The following BABAM2 variants were observed in gnomAD, a reference collection of about 807,000 sequenced individuals.
The protein encoded by BABAM2 is BRISC and BRCA1-A complex member 2.
Under a neutral mutation model 54.7 loss-of-function variants are expected in BABAM2, and 31 were observed. The observed-to-expected ratio is 0.57, with a 90% CI of 0.43 to 0.77. The LOEUF (loss-of-function observed/expected upper bound fraction) is 0.77. BABAM2 is among the 30% of genes least tolerant of loss of function. The pLI is 0.00. For missense variants in BABAM2, 364 were observed against 455.8 expected, an observed-to-expected ratio of 0.80 and a Z score of 1.83; for synonymous variants, 167 against 162.9, an observed-to-expected ratio of 1.03 and a Z score of -0.19.
intron 10 of BABAM2, among the ~76,000 whole-genome samples, chr2:28,291,364 G>T (rs567926892): frequency 6.6e-6 from 1 of 152,294 alleles, no homozygotes; most frequent in East Asian, 1.9e-4. Flanking sequence ...AGGCCGAGGT[G>T]GATGGATCAC....
intron 3 of BABAM2, among the ~76,000 whole-genome samples, chr2:27,964,004 A>G (rs1180330107): frequency 6.6e-6 from 1 of 152,224 alleles, no homozygotes; most frequent in Non-Finnish European, 1.5e-5. Context: ...GGTTTGCCAT[A>G]TTGAGGCTTT....
chr2:28,167,322 A>T (rs1673784608), intron 7 of BABAM2, among the ~76,000 whole-genome samples: 1 of 152,246 alleles, frequency 6.6e-6, no homozygotes, highest in Admixed American at 6.5e-5. Flanking sequence ...TAATCAAGGA[A>T]AACATTTTTA....
intron 5 of BABAM2, among the ~76,000 whole-genome samples, chr2:28,040,201 G>T (rs909872868): frequency 6.7e-6 from 1 of 149,368 alleles, no homozygotes; most frequent in African/African-American, 2.5e-5. Flanking sequence ...TTTACATTAA[G>T]ATTGTTTTAA....
chr2:28,201,078 G>A (rs10165139), intron 7 of BABAM2, among the ~76,000 whole-genome samples: 112,229 of 152,158 alleles, frequency 0.74, 42,903 homozygotes, highest in East Asian at 0.99. Flanking sequence ...GCCTCTGTGA[G>A]TTTTTTAATG....
intron 3 of BABAM2, among the ~76,000 whole-genome samples, chr2:27,956,102 A>G (rs373001342): frequency 2.0e-5 from 3 of 152,280 alleles, no homozygotes; most frequent in South Asian, 4.1e-4. Context: ...TTAATAATCT[A>G]TGATGGCACA....
intron 6 of BABAM2, among the ~76,000 whole-genome samples, chr2:28,051,961 T>G (rs1487130483): frequency 1.3e-5 from 2 of 152,092 alleles, no homozygotes; most frequent in African/African-American, 4.8e-5. Context: ...AGTCAGGGTT[T>G]TAAAATGTTC....
chr2:28,310,156 C>T (rs779727329), intron 11 of BABAM2: 2 of 1,613,548 alleles, frequency 1.2e-6, no homozygotes, highest in African/African-American at 1.3e-5. Flanking sequence ...TTGCATAGGT[C>T]AGTGAGAACG....
upstream of BABAM2, chr2:27,890,205 C>T: frequency 5.8e-6 from 9 of 1,558,958 alleles, no homozygotes; most frequent in Non-Finnish European, 7.9e-6. This position sits in a 1 kb window ranked among gnomAD's most constrained non-coding sequence, Gnocchi z 4.8. Flanking sequence ...GCATAGCGCA[C>T]GGCACGCCTC....
chr2:27,894,173 G>C (rs554083229), intron 1 of BABAM2, among the ~76,000 whole-genome samples: 1 of 152,280 alleles, frequency 6.6e-6, no homozygotes, highest in Non-Finnish European at 1.5e-5. Context: ...TTTGTGTTGG[G>C]ATAGAGGATT....
At chr2:28,260,941 CTTTTTT>C (rs34766123) in intron 10 of BABAM2, among the ~76,000 whole-genome samples, 1 of 110,794 alleles carries the variant, frequency 9.0e-6, no homozygotes, top group Admixed American at 1.0e-4. Context: ...CATTTTCTTT[CTTTTTT>C]TTTTTTTTTT....
At chr2:28,026,916 TAATATATATAAA>T (rs1675840112) in intron 5 of BABAM2, among the ~76,000 whole-genome samples, 3 of 34,684 alleles carry the variant, frequency 8.6e-5, no homozygotes, top group Admixed American at 4.3e-4. Context: ...AAATATATAT[TAATATATATAAA>T]TATATATATA....
intron 6 of BABAM2, among the ~76,000 whole-genome samples, chr2:28,115,184 C>A (rs1254040470): frequency 4.9e-5 from 2 of 40,726 alleles, no homozygotes; most frequent in African/African-American, 2.7e-4. Flanking sequence ...AACTTTAAAA[C>A]ACACACACAC....
At chr2:28,184,787 G>A (rs1038277785) in intron 7 of BABAM2, among the ~76,000 whole-genome samples, 3 of 152,134 alleles carry the variant, frequency 2.0e-5, no homozygotes. Flanking sequence ...AAACATACAT[G>A]TGCATGTGTC....
At chr2:28,319,110 T>G (rs549401178) in intron 11 of BABAM2, among the ~76,000 whole-genome samples, 2 of 152,238 alleles carry the variant, frequency 1.3e-5, no homozygotes, top group Non-Finnish European at 2.9e-5. Flanking sequence ...TTCACTTTCT[T>G]ACTCCAAAGC....
chr2:28,328,546 C>T (rs1010088281), intron 11 of BABAM2, among the ~76,000 whole-genome samples: 4 of 152,170 alleles, frequency 2.6e-5, no homozygotes, highest in African/African-American at 4.8e-5. Context: ...GCTCATCTTA[C>T]AATTACCCAA....
intron 10 of BABAM2, among the ~76,000 whole-genome samples, chr2:28,260,941 C>CTTTTTTTTTTT (rs34766123): frequency 2.7e-5 from 3 of 110,794 alleles, no homozygotes; most frequent in Admixed American, 1.0e-4. Context: ...CATTTTCTTT[C>CTTTTTTTTTTT]TTTTTTTTTT....
chr2:28,268,632 A>G (rs745757516), intron 10 of BABAM2, among the ~76,000 whole-genome samples: 2 of 152,340 alleles, frequency 1.3e-5, no homozygotes, highest in East Asian at 3.9e-4. Flanking sequence ...CTATTGCTTG[A>G]GAAGGTAATT....
chr2:28,217,577 A>T (rs1680028979), intron 7 of BABAM2, among the ~76,000 whole-genome samples: 1 of 152,250 alleles, frequency 6.6e-6, no homozygotes, highest in African/African-American at 2.4e-5. Context: ...CTAAGTGATG[A>T]AACTGAATTT....
At chr2:27,915,048 A>G (rs905384293) in intron 2 of BABAM2, among the ~76,000 whole-genome samples, 2 of 152,048 alleles carry the variant, frequency 1.3e-5, no homozygotes, top group African/African-American at 4.8e-5. Context: ...GTAACATGAG[A>G]GGCATGATGG....
Sources: gnomAD v4.1 joint callset for allele counts (sites outside exome capture counted in the v4.1 genomes callset) on GRCh38, gnomAD v4.1.1 for gene constraint, Gnocchi (gnomAD v3.1) non-coding constraint, MANE v1.5 for transcripts, NCBI Gene and HGNC (gene_info 2026-07-23, HGNC 2026-07-21) for gene names.